The following ACAT1 variants were observed in gnomAD, a reference collection of about 807,000 sequenced individuals.
The protein encoded by ACAT1 is acetyl-CoA acetyltransferase 1.
Under a neutral mutation model 47.3 loss-of-function variants are expected in ACAT1, and 28 were observed. The observed-to-expected ratio is 0.59, with a 90% confidence interval of 0.44 to 0.81. The LOEUF (loss-of-function observed/expected upper bound fraction) is 0.81. Ranked by LOEUF, ACAT1 falls within the 30% of genes least tolerant of loss-of-function variation. The pLI, the probability that ACAT1 is intolerant of heterozygous loss-of-function variation, is 0.00. For synonymous variants in ACAT1, 181 were observed against 173.6 expected (o/e 1.04, Z -0.34); for missense variants, 469 against 524.3 (o/e 0.89, Z 1.03).
chr11:108,121,534 C>A, upstream of ACAT1: 1 of 1,485,088 alleles, frequency 6.7e-7, no homozygotes, highest in Non-Finnish European at 9.2e-7. Context: ...CGCGCCGGGC[C>A]GCTAGGGGTG....
Position 108,141,369 on chromosome 11 carries a change from C to CAAAAAA in ACAT1, c.731-215_731-210dup, listed in dbSNP as rs60002941. 0.042 allele frequency among the ~76,000 whole-genome samples: 2,917 copies of CAAAAAA among 69,266 alleles called. 245 individuals carry two copies. Among genetic ancestry groups the CAAAAAA allele is most frequent in the East Asian group, 0.087 (139 of 1,596 alleles). 45.4% of individuals were successfully genotyped at this position (69,266 alleles called of 152,430 possible). ...TAAGCAGGAGAGGGAAACCCTGCCT[C>CAAAAAA]AAAAAAAAAAAAAAAAAAAAAAAAA... On this transcript the variant is annotated intron_variant, in intron 7 of 11. Coordinates refer to ENST00000265838, the MANE Select transcript of ACAT1 (RefSeq NM_000019.4).
At chr11:108,123,300 C>T (rs1394885995) in intron 1 of ACAT1, among the ~76,000 whole-genome samples, 1 of 152,146 alleles carries the variant, frequency 6.6e-6, no homozygotes, top group African/African-American at 2.4e-5. Flanking sequence ...CCTGTACATG[C>T]TGTAATGTAT....
At chr11:108,131,372 T>TTTTTTTTTTTTTTTTTTTTTTTG (rs1555031491) in intron 1 of ACAT1, among the ~76,000 whole-genome samples, 4 of 142,452 alleles carry the variant, frequency 2.8e-5, no homozygotes, top group African/African-American at 7.8e-5. Flanking sequence ...TTTTTTTTTT[T>TTTTTTTTTTTTTTTTTTTTTTTG]AGACAGTCTT....
intron 10 of ACAT1, among the ~76,000 whole-genome samples, chr11:108,145,463 G>A (rs116938054): frequency 0.012 from 1,850 of 150,610 alleles, 18 homozygotes; most frequent in Non-Finnish European, 0.02. Context: ...AGCCTGGGAG[G>A]TCAAGGCTGC....
At chr11:108,120,224 A>G (rs1335469786), upstream of ACAT1, among the ~76,000 whole-genome samples, 1 of 152,032 alleles carries the variant, frequency 6.6e-6, no homozygotes, top group African/African-American at 2.4e-5. Context: ...AGACCTATTT[A>G]GGTGGCTTAT....
intron 6 of ACAT1, chr11:108,139,269 C>A (rs2077533785): frequency 1.9e-6 from 1 of 531,984 alleles, no homozygotes; most frequent in Non-Finnish European, 3.4e-6. Context: ...TAGCTGGCAA[C>A]TGCTTGGCTA....
chr11:108,144,122 G>T (rs2077650458), intron 10 of ACAT1, 75 bp downstream of exon 10: 2 of 1,516,262 alleles, frequency 1.3e-6, no homozygotes, highest in South Asian at 2.3e-5. Context: ...CAGTTTTTAA[G>T]ATTTTAAATG....
rs1383336004 is a variant in ACAT1, at chr11:108,147,389, A to G, written c.1283A>G (p.Ter428TrpextTer6). The change falls in exon 12 of 12, where the codon TAG becomes TGG. Residue 428 changes from the stop codon to tryptophan (W), a stop_lost. Transcript: ENST00000265838. ...GASAMLIQKL[*>W] ...TCTGCCATGCTAATTCAGAAGCTGT[A>G]GACAACCTCTGCTATTTAAGGAGAC... 1 of 1,613,322 alleles carries G rather than the reference A, an allele frequency of 6.2e-7. No homozygotes were observed. Among genetic ancestry groups the G allele is most frequent in the Admixed American group, 1.7e-5 (1 of 59,994 alleles).
upstream of ACAT1, among the ~76,000 whole-genome samples, chr11:108,120,908 AT>A: frequency 6.8e-6 from 1 of 147,806 alleles, no homozygotes; most frequent in South Asian, 2.2e-4. Flanking sequence ...AAAAAAAAAA[AT>A]ACAACAATTT....
intron 1 of ACAT1, chr11:108,127,949 C>T (rs1370446069): frequency 2.0e-5 from 3 of 152,314 alleles, no homozygotes; most frequent in African/African-American, 4.8e-5. Context: ...GCAGGAGGAT[C>T]GCTTGAGCCC....
chr11:108,140,507 G>T (rs1026080767), intron 7 of ACAT1, among the ~76,000 whole-genome samples: 1 of 152,160 alleles, frequency 6.6e-6, no homozygotes, highest in Admixed American at 6.5e-5. Context: ...GAAGGTTACC[G>T]GGAGTGCCTC....
At chr11:108,146,177 T>G in intron 10 of ACAT1, 25 bp from the exon 11 acceptor site, 1 of 1,561,018 alleles carries the variant, frequency 6.4e-7, no homozygotes, top group Non-Finnish European at 8.8e-7. Context: ...TATTTGAACA[T>G]CATCTGTCTT....
Position 108,129,513 on chromosome 11 carries a change from C to G in ACAT1, c.73-2394C>G, listed in dbSNP as rs577803263. Among the ~76,000 whole-genome samples the G allele has an allele frequency of 2.0e-5, 3 of 152,108 alleles. No individual in the cohort carries two copies. In the South Asian group the frequency reaches 6.2e-4, roughly 32 times the overall value. ...CTTCCCGAGTAGCTGGGATTACAGA[C>G]GTGTGCCACCACGTCCAGCTAATTT... On this transcript the variant is annotated intron_variant, in intron 1 of 11. Coordinates refer to ENST00000265838, the MANE Select transcript of ACAT1 (RefSeq NM_000019.4).
chr11:108,147,566 A>T lies in ACAT1; in HGVS notation c.*176A>T. On this transcript the variant is annotated 3_prime_UTR_variant, in exon 12 of 12. Coordinates refer to ENST00000265838, the MANE Select transcript of ACAT1 (RefSeq NM_000019.4). ...CCAAAACATTTTGAAATTAAAAATA[A>T]ATTTCTTCTTCTGCTTTTTTCTTGG... is the stretch of plus-strand genomic sequence containing the variant. The T allele has an allele frequency of 2.3e-6, 2 of 876,590 alleles. No homozygotes were observed. Among genetic ancestry groups the T allele is most frequent in the South Asian group, 1.7e-5 (1 of 58,854 alleles). 54.3% of individuals were successfully genotyped at this position (876,590 alleles called of 1,614,324 possible).
Position 108,140,046 on chromosome 11 carries a change from T to A in ACAT1, c.580-19T>A. 6.2e-7 allele frequency: 1 copy of A among 1,608,670 alleles called. No homozygotes were observed. Among genetic ancestry groups the A allele is most frequent in the Non-Finnish European group, 8.5e-7 (1 of 1,176,822 alleles). On this transcript the variant is annotated intron_variant, in intron 6 of 11. Transcript: ENST00000265838. The stretch of plus-strand genomic sequence containing the variant: ...AAATTATGCAAAGTTAACTTTAAAA[T>A]ATTTCAACTTTTTATCAGGGCAGCT...
intron 11 of ACAT1, among the ~76,000 whole-genome samples, chr11:108,146,642 C>A (rs757708739): frequency 6.6e-6 from 1 of 152,118 alleles, no homozygotes; most frequent in Non-Finnish European, 1.5e-5. Context: ...TTTAGGGTAC[C>A]GTGGGTTTTG....
intron 11 of ACAT1, 134 bp downstream of exon 11, chr11:108,146,493 C>A: frequency 2.2e-6 from 2 of 899,132 alleles, no homozygotes; most frequent in Non-Finnish European, 3.5e-6. Context: ...AAAACCATTT[C>A]TGATAGATGG....
intron 7 of ACAT1, among the ~76,000 whole-genome samples, chr11:108,140,679 T>C (rs2077567118): frequency 6.6e-6 from 1 of 152,200 alleles, no homozygotes. Flanking sequence ...CCTCTACCTC[T>C]AGGGTCACAT....
At chr11:108,143,139 A>G (rs2077626047) in intron 9 of ACAT1, 1 of 153,290 alleles carries the variant, frequency 6.5e-6, no homozygotes, top group South Asian at 2.0e-4. Context: ...GTGAGACCCC[A>G]CCTCTGAAAG....
Sources: allele counts gnomAD v4.1 joint callset (sites outside exome capture counted in the v4.1 genomes callset), GRCh38; gene constraint gnomAD v4.1.1; transcripts MANE v1.5; gene names NCBI Gene and HGNC (gene_info 2026-07-23, HGNC 2026-07-21).